The following ZNF644 variants were observed in gnomAD, a reference collection of about 807,000 sequenced individuals.
ZNF644 encodes zinc finger motif enhancer binding protein 2.
Under a neutral mutation model 108.0 loss-of-function variants are expected in ZNF644, and 20 were observed. The observed-to-expected ratio is 0.19, with a 90% CI of 0.13 to 0.27. ZNF644 has a LOEUF of 0.27. Among genes scored for constraint, ZNF644 ranks in the 10% least tolerant of loss-of-function variants. The pLI is 1.00. For synonymous variants in ZNF644, 542 were observed against 539.1 expected, an observed-to-expected ratio of 1.01 and a Z score of -0.08; for missense variants, 1,338 against 1,548.9, an observed-to-expected ratio of 0.86 and a Z score of 2.29.
In ZNF644 at chr1:90,962,363, T is replaced by C. The variant is rs141682424; in HGVS notation, c.44+19947A>G. On this transcript the variant is annotated intron_variant, in intron 2 of 5. Transcript: ENST00000337393. ...CATAAACAGACCCATATGTATATGG[T>C]CACTTTATTTATGCCAAAGCTGATA... Among the ~76,000 whole-genome samples, 3 of 152,024 alleles carry C rather than the reference T, an allele frequency of 2.0e-5. No individual in the cohort carries two copies. The East Asian group carries it at 5.8e-4, about 29-fold the overall frequency.
intron 1 of ZNF644, among the ~76,000 whole-genome samples, chr1:91,003,917 A>G (rs1659145765): frequency 6.6e-6 from 1 of 152,160 alleles, no homozygotes. Flanking sequence ...TGAGAAAAAA[A>G]CAAATTGTAG....
At chr1:90,925,154 A>G (rs527747813) in intron 4 of ZNF644, among the ~76,000 whole-genome samples, 1 of 152,314 alleles carries the variant, frequency 6.6e-6, no homozygotes, top group South Asian at 2.1e-4. Flanking sequence ...TACCAGGCCC[A>G]GAAAGACTGG....
intron 2 of ZNF644, among the ~76,000 whole-genome samples, chr1:90,957,090 A>G (rs1333191994): frequency 6.6e-6 from 1 of 152,068 alleles, no homozygotes. Context: ...AAATTACCAA[A>G]ATGAAGTCAA....
chr1:91,018,190 T>C (rs967323172), intron 1 of ZNF644, among the ~76,000 whole-genome samples: 1 of 152,218 alleles, frequency 6.6e-6, no homozygotes, highest in South Asian at 2.1e-4. Context: ...AGAAATCTTT[T>C]AGCCAACCAG....
At position 90,940,976 on chromosome 1, in the gene ZNF644, A is replaced by G. The variant is rs752903382; in HGVS notation, c.378T>C (p.Thr126=). 1 of 1,614,108 alleles carries G rather than the reference A, an allele frequency of 6.2e-7. No homozygotes were observed. Among genetic ancestry groups the G allele is most frequent in the Non-Finnish European group, 8.5e-7 (1 of 1,179,982 alleles). ...VNGPVSHSSL[T]KTSNMNKGSV... ...TGCCTTTATTCATATTGGAAGTCTTAGTTAAGGAGGAGTGTGAAACTGGTC... is the reference window on the plus strand; with the variant it reads ...TGCCTTTATTCATATTGGAAGTCTTGGTTAAGGAGGAGTGTGAAACTGGTC... The change falls in exon 3 of 6, where the codon ACT becomes ACC. Residue 126 remains threonine, a synonymous_variant. Transcript: ENST00000337393.
At chr1:91,007,030 T>C (rs181671276) in intron 1 of ZNF644, among the ~76,000 whole-genome samples, 1 of 152,212 alleles carries the variant, frequency 6.6e-6, no homozygotes, top group Non-Finnish European at 1.5e-5. Flanking sequence ...CTATTTCTAA[T>C]CCCTTCTTTG....
At position 91,013,461 on chromosome 1, in the gene ZNF644, A is replaced by T. The variant is rs1290003272; in HGVS notation, c.-18+8529T>A. Among the ~76,000 whole-genome samples the T allele has an allele frequency of 1.5e-3, 222 of 146,958 alleles. 1 individual carries two copies. The South Asian group carries it at 0.016, about 11-fold the overall frequency. ...TTTCCAATCTCTCTCTCACACACAC[A>T]CACACACACACACACACACACATAC... On this transcript the variant is annotated intron_variant, in intron 1 of 5. Coordinates refer to ENST00000337393, the MANE Select transcript of ZNF644 (RefSeq NM_201269.3).
At chr1:90,977,655 TACA>T (rs1656144271) in intron 2 of ZNF644, among the ~76,000 whole-genome samples, 1 of 152,206 alleles carries the variant, frequency 6.6e-6, no homozygotes, top group African/African-American at 2.4e-5. Flanking sequence ...TATTAAGTGG[TACA>T]ACCTCATTGC....
Position 90,939,746 on chromosome 1 carries a change from T to G in ZNF644, c.1608A>C (p.Thr536=). ...CCEECNFMAV[T]ENELECHRGI... ...CTCGATGGCATTCCAATTCATTTTCTGTCACTGCCATGAAGTTACACTCTT... is the reference window on the plus strand; with the variant it reads ...CTCGATGGCATTCCAATTCATTTTCGGTCACTGCCATGAAGTTACACTCTT... The change falls in exon 3 of 6, where the codon ACA becomes ACC. Residue 536 remains threonine (T), a synonymous_variant. Transcript: ENST00000337393. The G allele has an allele frequency of 1.2e-6, 2 of 1,614,016 alleles. No individual in the cohort carries two copies. The highest frequency in any genetic ancestry group is 2.7e-5 in the African/African-American group (2 of 75,040).
At chr1:90,973,527 T>C (rs577117207) in intron 2 of ZNF644, among the ~76,000 whole-genome samples, 7 of 152,312 alleles carry the variant, frequency 4.6e-5, no homozygotes, top group Non-Finnish European at 8.8e-5. Flanking sequence ...TAACAGTGCC[T>C]GGCAGATAGT....
chr1:90,947,668 TGA>T (rs1344955979), intron 2 of ZNF644, among the ~76,000 whole-genome samples: 6 of 152,064 alleles, frequency 3.9e-5, no homozygotes, highest in African/African-American at 1.4e-4. Context: ...TCAAGAAAAG[TGA>T]GAGTGTTCAA....
Position 90,918,127 on chromosome 1 carries a change from C to T in ZNF644, c.3716G>A (p.Arg1239Lys), listed in dbSNP as rs776836946. 1.2e-6 allele frequency: 2 copies of T among 1,614,032 alleles called. No homozygotes were observed. The highest frequency in any genetic ancestry group is 1.7e-6 in the Non-Finnish European group (2 of 1,179,968). ...TTTCTTCTTGCTTCCAGATCTTGAC[C>T]TTGATTTCTTTTGCTTACAATCTAA... ...SALDCKQKKS[R>K]SRSGSKKKML... Residue 1239 changes from arginine (R) to lysine (K), a missense_variant, in exon 5 of 6, where the codon AGG becomes AAG. Physicochemically the swap from Arg to Lys is conservative, Grantham distance 26. Coordinates refer to ENST00000337393, the MANE Select transcript of ZNF644 (RefSeq NM_201269.3).
At chr1:90,992,663 C>G (rs1249834856) in intron 1 of ZNF644, among the ~76,000 whole-genome samples, 1 of 152,184 alleles carries the variant, frequency 6.6e-6, no homozygotes, top group Non-Finnish European at 1.5e-5. Context: ...ATTTTACCAA[C>G]TGAAACAAAA....
At chr1:91,007,219 C>CGTTTTTTTTT in intron 1 of ZNF644, among the ~76,000 whole-genome samples, 1 of 114,248 alleles carries the variant, frequency 8.8e-6, no homozygotes, top group Non-Finnish European at 1.8e-5. Context: ...CATTTTCTCC[C>CGTTTTTTTTT]ATTTTGTTTT....
intron 4 of ZNF644, among the ~76,000 whole-genome samples, chr1:90,933,382 C>T (rs959916017): frequency 1.2e-4 from 19 of 152,018 alleles, no homozygotes; most frequent in Non-Finnish European, 2.4e-4. Flanking sequence ...CACCTTCAGG[C>T]TGGGTGCGGT....
intron 1 of ZNF644, among the ~76,000 whole-genome samples, chr1:91,006,247 G>A (rs1455308805): frequency 6.6e-6 from 1 of 152,060 alleles, no homozygotes; most frequent in Non-Finnish European, 1.5e-5. Context: ...ACAAAGAAAA[G>A]CCCAGGACCT....
At chr1:90,927,977 G>C (rs1164684380) in intron 4 of ZNF644, among the ~76,000 whole-genome samples, 17 of 140,552 alleles carry the variant, frequency 1.2e-4, no homozygotes, top group East Asian at 6.6e-4. Flanking sequence ...CTGAGTAGCT[G>C]GGATTACAGG....
rs750350535 is a variant in ZNF644 at position 90,937,906 on chromosome 1, A to G, written c.3267T>C (p.Tyr1089=). ...LNEMMQNEEK[Y]EKILKALNSR... is the part of the protein sequence containing the mutation. Reference sequence around the variant, plus strand: ...TGTTCAATGCCTTTAAGATTTTTTCATATTTTTCTTCATTTTGCATCATCT... The same window carrying G: ...TGTTCAATGCCTTTAAGATTTTTTCGTATTTTTCTTCATTTTGCATCATCT... Residue 1089 remains tyrosine, a synonymous_variant, in exon 4 of 6, where the codon TAT becomes TAC. Transcript: ENST00000337393. 11 of 1,613,624 alleles carry G rather than the reference A, an allele frequency of 6.8e-6. No homozygotes were observed. Among genetic ancestry groups the G allele is most frequent in the African/African-American group, 1.3e-5 (1 of 74,880 alleles).
chr1:90,938,136 C>T lies in ZNF644; in HGVS notation c.3083-46G>A, dbSNP rs1279937114. 1 of 1,607,710 alleles carries T rather than the reference C, an allele frequency of 6.2e-7. No homozygotes were observed. The highest frequency in any genetic ancestry group is 1.7e-5 in the Admixed American group (1 of 59,672). On this transcript the variant is annotated intron_variant, in intron 3 of 5. Coordinates refer to ENST00000337393, the MANE Select transcript of ZNF644 (RefSeq NM_201269.3). This position sits in a 1 kb window ranked among gnomAD's most constrained non-coding sequence, Gnocchi z 4.2. ...GTAATATCAGACTTTCTTATATAAA[C>T]TGACCACCCTAAAATGAGTTAATTC...
Sources: gnomAD v4.1 joint callset for allele counts (sites outside exome capture counted in the v4.1 genomes callset) on GRCh38, gnomAD v4.1.1 for gene constraint, Gnocchi (gnomAD v3.1) non-coding constraint, MANE v1.5 for transcripts, NCBI Gene and HGNC (gene_info 2026-07-23, HGNC 2026-07-21) for gene names.